The following ABCB5 variants were observed in gnomAD, a reference collection of about 807,000 sequenced individuals.
ABCB5 encodes the protein ATP binding cassette subfamily B member 5, also known as ATP-binding cassette sub-family B member 5.
In ABCB5, 155 loss-of-function variants were observed where a neutral mutation model predicts 144.2. That is an observed-to-expected ratio of 1.08 (90% confidence interval 0.94 to 1.23). The LOEUF (loss-of-function observed/expected upper bound fraction) is 1.23, where lower values mean the gene tolerates loss of function less well. Among genes scored for constraint, ABCB5 ranks in the 50% most tolerant of loss-of-function variants. ABCB5 has a pLI of 0.00. For synonymous variants in ABCB5, 610 were observed against 528.6 expected, an observed-to-expected ratio of 1.15 and a Z score of -2.11; for missense variants, 1,830 against 1,520.8, an observed-to-expected ratio of 1.20 and a Z score of -3.38.
intron 3 of ABCB5, 51 bp from the exon 4 acceptor site, chr7:20,628,635 GGT>G: frequency 6.4e-7 from 1 of 1,556,710 alleles, no homozygotes; most frequent in Non-Finnish European, 8.7e-7. Flanking sequence ...GTGTGTGCTT[GGT>G]GTGTTTGTTT....
chr7:20,689,328 C>A (rs1786126487), intron 16 of ABCB5, among the ~76,000 whole-genome samples: 1 of 152,096 alleles, frequency 6.6e-6, no homozygotes, highest in Non-Finnish European at 1.5e-5. Context: ...GCTGTGGTAC[C>A]TTGCTGGTGG....
chr7:20,626,759 A>T (rs1455442062), intron 3 of ABCB5, 148 bp downstream of exon 3: 17 of 715,214 alleles, frequency 2.4e-5, no homozygotes, highest in Admixed American at 1.1e-4. Context: ...TTTTCGATAG[A>T]AAAAATATAA....
intron 17 of ABCB5, among the ~76,000 whole-genome samples, chr7:20,699,038 G>C (rs888472838): frequency 6.6e-6 from 1 of 152,152 alleles, no homozygotes; most frequent in African/African-American, 2.4e-5. Flanking sequence ...TGGAACTTCA[G>C]TCTCCCTAAT....
At position 20,703,671 on chromosome 7, in the gene ABCB5, T is replaced by C. The variant is rs1786710180; in HGVS notation, c.2338-1053T>C. On this transcript the variant is annotated intron_variant, in intron 19 of 27. Transcript: ENST00000404938. ...CCATCTTTCAGAGACAGTTTCCACA[T>C]GGTTTTAATCTACAAGAGATACAAG... Among the ~76,000 whole-genome samples, 2 of 152,130 alleles carry C rather than the reference T, an allele frequency of 1.3e-5. 1 individual carries two copies. Among genetic ancestry groups the C allele is most frequent in the South Asian group, 4.1e-4 (2 of 4,826 alleles).
intron 27 of ABCB5, 47 bp downstream of exon 27, chr7:20,753,553 A>C: frequency 1.3e-6 from 2 of 1,564,616 alleles, no homozygotes; most frequent in Non-Finnish European, 1.7e-6. Flanking sequence ...AAATATAAGC[A>C]TCCAATAACA....
intron 26 of ABCB5, among the ~76,000 whole-genome samples, chr7:20,752,974 T>C (rs2128058030): frequency 6.6e-6 from 1 of 152,372 alleles, no homozygotes; most frequent in East Asian, 1.9e-4. Flanking sequence ...AACTTCATAA[T>C]TTCCTTGTTG....
chr7:20,755,472 C>A lies in ABCB5; in HGVS notation c.3622C>A (p.Leu1208Ile), dbSNP rs752677713. The change falls in exon 28 of 28, where the codon CTA becomes ATA. Residue 1208 changes from leucine (L) to isoleucine (I), a missense_variant. Leu to Ile is a conservative substitution (Grantham distance 5). Coordinates refer to ENST00000404938, the MANE Select transcript of ABCB5 (RefSeq NM_001163941.2). ...TAAAGCCAGGACGGGAAGGACATGCCTAGTGGTCACTCACAGGCTCTCTGC... is the reference window on the plus strand; with the variant it reads ...TAAAGCCAGGACGGGAAGGACATGCATAGTGGTCACTCACAGGCTCTCTGC... ...LDKARTGRTCLVVTHRLSAIQ... is the reference protein window; with the variant it reads ...LDKARTGRTCIVVTHRLSAIQ... The A allele has an allele frequency of 2.5e-6, 4 of 1,614,158 alleles. No homozygotes were observed. Among genetic ancestry groups the A allele is most frequent in the East Asian group, 2.2e-5 (1 of 44,880 alleles).
chr7:20,712,011 G>A (rs1267508083), intron 20 of ABCB5, among the ~76,000 whole-genome samples: 10 of 143,408 alleles, frequency 7.0e-5, no homozygotes, highest in African/African-American at 2.1e-4. Flanking sequence ...AGGCCGAGGC[G>A]GGTGGACCAC....
intron 13 of ABCB5, among the ~76,000 whole-genome samples, chr7:20,654,951 C>T (rs977128280): frequency 3.3e-5 from 5 of 150,930 alleles, no homozygotes; most frequent in African/African-American, 1.2e-4. Context: ...CCAAAACAAG[C>T]AAGACTAAGT....
chr7:20,748,011 A>G (rs947155481), intron 26 of ABCB5, among the ~76,000 whole-genome samples: 2 of 152,198 alleles, frequency 1.3e-5, no homozygotes, highest in Non-Finnish European at 2.9e-5. Context: ...AATTTCCACC[A>G]TAGTACAGCA....
chr7:20,619,721 G>A (rs1783768811), intron 1 of ABCB5, among the ~76,000 whole-genome samples: 1 of 152,238 alleles, frequency 6.6e-6, no homozygotes, highest in South Asian at 2.1e-4. Context: ...TGTCACAATT[G>A]CTTTGAGGAT....
rs752690880 is a variant in ABCB5, at chr7:20,739,028, G to A, written c.2913G>A (p.Thr971=). 6 of 1,611,398 alleles carry A rather than the reference G, an allele frequency of 3.7e-6. No homozygotes were observed. In the East Asian group the frequency reaches 6.7e-5, roughly 18 times the overall value. ...IAYGAMAIGE[T]LVLAPEYSKA... is the part of the protein sequence containing the mutation. ...ATGGAGCTATGGCCATCGGAGAAAC[G>A]CTCGTTTTGGCTCCTGAATATTCCA... The change falls in exon 24 of 28, where the codon ACG becomes ACA. Residue 971 remains threonine, a synonymous_variant. Coordinates refer to ENST00000404938, the MANE Select transcript of ABCB5 (RefSeq NM_001163941.2).
intron 5 of ABCB5, among the ~76,000 whole-genome samples, chr7:20,640,761 G>A (rs1401444793): frequency 6.6e-6 from 1 of 152,090 alleles, no homozygotes. Context: ...AAAAACTTTA[G>A]CAAGGAAGCA....
intron 19 of ABCB5, among the ~76,000 whole-genome samples, chr7:20,703,716 G>A (rs1786711702): frequency 6.6e-6 from 1 of 152,170 alleles, no homozygotes; most frequent in South Asian, 2.1e-4. Context: ...TGAGTGTGAG[G>A]AAACATTCAA....
intron 20 of ABCB5, among the ~76,000 whole-genome samples, chr7:20,718,607 G>T (rs1428410356): frequency 2.0e-5 from 3 of 152,186 alleles, no homozygotes; most frequent in Non-Finnish European, 2.9e-5. Context: ...ATTAGGCAGA[G>T]CCCTGGGGGG....
At chr7:20,618,710 C>T (rs112915928) in intron 1 of ABCB5, among the ~76,000 whole-genome samples, 21 of 150,338 alleles carry the variant, frequency 1.4e-4, no homozygotes, top group African/African-American at 4.9e-4. Flanking sequence ...TAATAGCCTC[C>T]AGCTGCATTT....
intron 16 of ABCB5, among the ~76,000 whole-genome samples, chr7:20,691,582 T>TTTTTTTTATTTA (rs141375130): frequency 1.6e-4 from 24 of 146,890 alleles, no homozygotes; most frequent in South Asian, 4.3e-4. Flanking sequence ...TTAAATTCAT[T>TTTTTTTTATTTA]TTTATTTATT....
chr7:20,618,775 T>TC (rs1783745395), intron 1 of ABCB5, among the ~76,000 whole-genome samples: 1 of 126,648 alleles, frequency 7.9e-6, no homozygotes, highest in African/African-American at 3.2e-5. Context: ...TTTTTTTTTT[T>TC]TTTTTTTTTT....
chr7:20,728,358 T>G lies in ABCB5; in HGVS notation c.2770T>G (p.Phe924Val). 2.5e-6 allele frequency: 4 copies of G among 1,614,182 alleles called. No individual in the cohort carries two copies. The highest frequency in any genetic ancestry group is 3.4e-6 in the Non-Finnish European group (4 of 1,179,994). ...KAQIIGSCYA[F>V]SHAFIYFAYA... ...ACAGATTATTGGAAGCTGTTATGCA[T>G]TCAGCCATGCCTTTATATATTTTGC... Residue 924 changes from phenylalanine (F) to valine (V), a missense_variant, in exon 23 of 28, where the codon TTC (phenylalanine) becomes GTC (valine). Phe to Val is a conservative substitution (Grantham distance 50). Transcript: ENST00000404938.
Sources: allele counts gnomAD v4.1 joint callset (sites outside exome capture counted in the v4.1 genomes callset), GRCh38; gene constraint gnomAD v4.1.1; transcripts MANE v1.5; gene names NCBI Gene and HGNC (gene_info 2026-07-23, HGNC 2026-07-21).